NRG3: variants seen among roughly 807,000 people sequenced by gnomAD.
The protein encoded by NRG3 is neuregulin 3, also known as pro-neuregulin-3, membrane-bound isoform.
Under a neutral mutation model 66.9 loss-of-function variants are expected in NRG3, and 31 were observed. The observed-to-expected ratio is 0.46, with a 90% CI of 0.35 to 0.63. The LOEUF (loss-of-function observed/expected upper bound fraction) is 0.63, where lower values mean the gene tolerates loss of function less well. Ranked by LOEUF, NRG3 falls within the 20% of genes least tolerant of loss-of-function variation. NRG3 has a pLI of 0.00. For synonymous variants in NRG3, 393 were observed against 359.4 expected (o/e 1.09, Z -1.06); for missense variants, 910 against 878.9 (o/e 1.04, Z -0.45).
At chr10:82,138,558 T>C (rs2069529038) in intron 1 of NRG3, among the ~76,000 whole-genome samples, 1 of 152,158 alleles carries the variant, frequency 6.6e-6, no homozygotes, top group Non-Finnish European at 1.5e-5. Context: ...GATACATGTA[T>C]ATATGAAAGG....
intron 1 of NRG3, among the ~76,000 whole-genome samples, chr10:81,894,506 A>T (rs1843332547): frequency 6.6e-6 from 1 of 152,114 alleles, no homozygotes; most frequent in African/African-American, 2.4e-5. Flanking sequence ...CTAAGAGCTT[A>T]ATTTTAAATT....
intron 1 of NRG3, among the ~76,000 whole-genome samples, chr10:82,005,643 CT>C (rs2061349874): frequency 6.6e-6 from 1 of 152,030 alleles, no homozygotes; most frequent in South Asian, 2.1e-4. Context: ...TTCTGCAATG[CT>C]TTTTAGGTCA....
intron 1 of NRG3, among the ~76,000 whole-genome samples, chr10:82,053,886 CAT>C (rs1201672780): frequency 4.6e-5 from 7 of 152,148 alleles, no homozygotes; most frequent in Admixed American, 3.9e-4. Context: ...GAATGTAAAT[CAT>C]GTGGAATGTA....
intron 2 of NRG3, among the ~76,000 whole-genome samples, chr10:82,560,512 T>C (rs1414464753): frequency 6.6e-6 from 1 of 151,110 alleles, no homozygotes; most frequent in Non-Finnish European, 1.5e-5. Flanking sequence ...CCAACTACCT[T>C]AAGTGTTCCT....
intron 1 of NRG3, among the ~76,000 whole-genome samples, chr10:82,326,466 T>A (rs1278337310): frequency 6.6e-6 from 1 of 152,150 alleles, no homozygotes; most frequent in South Asian, 2.1e-4. Context: ...TTTTTTTAAT[T>A]GACTATTATA....
chr10:82,281,180 T>C (rs1418709633), intron 1 of NRG3, among the ~76,000 whole-genome samples: 1 of 152,152 alleles, frequency 6.6e-6, no homozygotes, highest in African/African-American at 2.4e-5. Flanking sequence ...TATTTTCTTT[T>C]AAATACTTGC....
Position 82,262,092 on chromosome 10 carries a change from C to T in NRG3, c.824-96647C>T, listed in dbSNP as rs183677712. Among the ~76,000 whole-genome samples, 4 of 152,294 alleles carry T rather than the reference C, an allele frequency of 2.6e-5. No homozygotes were observed. The East Asian group carries it at 7.7e-4, about 29-fold the overall frequency. ...AAATGCTGGAGCCATGATTGGAAAG[C>T]CTGCAGAACCATGAGCGAACTAAAC... On this transcript the variant is annotated intron_variant, in intron 1 of 8. Coordinates refer to ENST00000372141, the MANE Select transcript of NRG3 (RefSeq NM_001010848.4).
In NRG3 at chr10:82,462,498, T is replaced by C. The variant is rs535211901; in HGVS notation, c.953+103630T>C. ...CAGGCAGGGAAATGTCCTGTTGAGA[T>C]TAGTAATTTTGGGATGTAATTTTTG... On this transcript the variant is annotated intron_variant, in intron 2 of 8. Coordinates refer to ENST00000372141, the MANE Select transcript of NRG3 (RefSeq NM_001010848.4). Among the ~76,000 whole-genome samples the C allele has an allele frequency of 7.9e-5, 12 of 152,200 alleles. No individual in the cohort carries two copies. In the South Asian group the frequency reaches 2.1e-3, roughly 26 times the overall value.
intron 2 of NRG3, among the ~76,000 whole-genome samples, chr10:82,566,806 A>G (rs947822000): frequency 7.9e-5 from 12 of 151,966 alleles, no homozygotes; most frequent in Admixed American, 7.2e-4. Context: ...TTTTCTAAAT[A>G]AAAAAATAGT....
At chr10:82,792,505 T>C (rs1326117663) in intron 3 of NRG3, among the ~76,000 whole-genome samples, 9 of 152,174 alleles carry the variant, frequency 5.9e-5, no homozygotes. Flanking sequence ...GCTTTTAATC[T>C]ATTCTTCATC....
intron 1 of NRG3, among the ~76,000 whole-genome samples, chr10:82,029,148 GC>G (rs2062452446): frequency 6.6e-6 from 1 of 152,100 alleles, no homozygotes; most frequent in Non-Finnish European, 1.5e-5. Context: ...GGTGGAGGTT[GC>G]AGTGATCAGA....
At chr10:82,281,106 T>C (rs1564744284) in intron 1 of NRG3, among the ~76,000 whole-genome samples, 1 of 152,220 alleles carries the variant, frequency 6.6e-6, no homozygotes, top group Non-Finnish European at 1.5e-5. Flanking sequence ...GGTACTTTTC[T>C]GGACTGGAAG....
chr10:82,268,855 G>A (rs537051276), intron 1 of NRG3, among the ~76,000 whole-genome samples: 4 of 152,118 alleles, frequency 2.6e-5, no homozygotes, highest in East Asian at 1.9e-4. Context: ...CTCTTTCCAC[G>A]GGTGACACTG....
At chr10:82,132,484 ATATATATGATATAT>A (rs1564593410) in intron 1 of NRG3, among the ~76,000 whole-genome samples, 8,077 of 113,474 alleles carry the variant, frequency 0.071, 1,603 homozygotes, top group African/African-American at 0.2. Context: ...TATATGATAT[ATATATATGATATAT>A]ATATATCATA....
At chr10:82,622,804 C>T (rs187661631) in intron 2 of NRG3, among the ~76,000 whole-genome samples, 7 of 152,326 alleles carry the variant, frequency 4.6e-5, no homozygotes, top group Admixed American at 3.3e-4. Flanking sequence ...TGTGGCAGTA[C>T]TCAACACATT....
At chr10:82,716,898 A>G (rs2252810) in intron 2 of NRG3, among the ~76,000 whole-genome samples, 142,828 of 152,312 alleles carry the variant, frequency 0.94, 67,059 homozygotes, top group East Asian at 1. Context: ...CTAGAATACA[A>G]ATGATAAAAT....
intron 2 of NRG3, among the ~76,000 whole-genome samples, chr10:82,423,211 A>C (rs146963756): frequency 1.4e-4 from 21 of 152,130 alleles, no homozygotes; most frequent in African/African-American, 4.8e-4. Flanking sequence ...TATTTAATAT[A>C]ATCATAATTT....
In NRG3 at chr10:81,977,571, G is replaced by T. The variant is rs150092665; in HGVS notation, c.823+101408G>T. 1.3e-4 allele frequency among the ~76,000 whole-genome samples: 20 copies of T among 152,196 alleles called. No homozygotes were observed. In the East Asian group the frequency reaches 2.1e-3, roughly 16 times the overall value. On this transcript the variant is annotated intron_variant, in intron 1 of 8. Transcript: ENST00000372141. ...TTGTATTGAGCTAATCAATGGGTGT[G>T]TTTATCTTCTTTTTACTAGTACCAT...
At chr10:82,227,018 C>T (rs569192067) in intron 1 of NRG3, among the ~76,000 whole-genome samples, 1 of 152,250 alleles carries the variant, frequency 6.6e-6, no homozygotes, top group East Asian at 1.9e-4. Flanking sequence ...ATATTGCTTG[C>T]CTTCTTGTGA....
Sources: allele counts gnomAD v4.1 joint callset (sites outside exome capture counted in the v4.1 genomes callset), GRCh38; gene constraint gnomAD v4.1.1; transcripts MANE v1.5; gene names NCBI Gene and HGNC (gene_info 2026-07-23, HGNC 2026-07-21).